RNGTT: variants seen among roughly 807,000 people sequenced by gnomAD.
The protein encoded by RNGTT is RNA guanylyltransferase and 5'-phosphatase.
RNGTT carries 33 observed loss-of-function variants against 79.3 expected under a neutral mutation model. That is an observed-to-expected ratio of 0.42 (90% CI 0.32 to 0.56). RNGTT has a LOEUF of 0.56. Ranked by LOEUF, RNGTT falls within the 20% of genes least tolerant of loss-of-function variation. The pLI is 0.17. For missense variants in RNGTT, 497 were observed against 739.1 expected (o/e 0.67, Z 3.80); for synonymous variants, 222 against 235.9 (o/e 0.94, Z 0.54).
chr6:88,757,235 T>C (rs1179717430), intron 13 of RNGTT, among the ~76,000 whole-genome samples: 1 of 152,072 alleles, frequency 6.6e-6, no homozygotes, highest in Non-Finnish European at 1.5e-5. Flanking sequence ...TGGAGATACA[T>C]GAATGGGAGA....
chr6:88,845,744 G>C (rs1781463036), intron 10 of RNGTT, among the ~76,000 whole-genome samples: 1 of 152,132 alleles, frequency 6.6e-6, no homozygotes, highest in African/African-American at 2.4e-5. Context: ...AAAGAATAAG[G>C]AGAGAGACAA....
chr6:88,733,456 T>G (rs982154011), intron 13 of RNGTT, among the ~76,000 whole-genome samples: 6 of 151,572 alleles, frequency 4.0e-5, no homozygotes, highest in Middle Eastern at 3.2e-3. Context: ...TGGGATGATT[T>G]TAAAAGGTTT....
chr6:88,956,375 A>G (rs1291188879), intron 1 of RNGTT, among the ~76,000 whole-genome samples: 1 of 152,022 alleles, frequency 6.6e-6, no homozygotes, highest in Non-Finnish European at 1.5e-5. Context: ...CCAAGAAAAA[A>G]GTCCAAGAAA....
intron 11 of RNGTT, among the ~76,000 whole-genome samples, chr6:88,811,940 T>A (rs1780152891): frequency 6.6e-6 from 1 of 152,136 alleles, no homozygotes; most frequent in South Asian, 2.1e-4. Flanking sequence ...AATGGAAATT[T>A]GCACTCCCCT....
At chr6:88,633,545 C>T (rs1184537061) in intron 14 of RNGTT, among the ~76,000 whole-genome samples, 7 of 152,106 alleles carry the variant, frequency 4.6e-5, no homozygotes, top group Admixed American at 2.6e-4. Context: ...ATGTTGAATG[C>T]GCTTTATCTC....
intron 13 of RNGTT, among the ~76,000 whole-genome samples, chr6:88,745,304 G>T (rs1777625080): frequency 6.6e-6 from 1 of 152,138 alleles, no homozygotes; most frequent in East Asian, 1.9e-4. Flanking sequence ...CTTGCAAAAA[G>T]TGCGTAACCT....
chr6:88,776,260 G>A (rs1052839996), intron 12 of RNGTT, among the ~76,000 whole-genome samples: 2 of 150,586 alleles, frequency 1.3e-5, no homozygotes, highest in African/African-American at 2.4e-5. Flanking sequence ...TCTCAATGAC[G>A]TTTTAATTTT....
chr6:88,725,271 C>A (rs948265583), intron 13 of RNGTT, among the ~76,000 whole-genome samples: 4 of 152,112 alleles, frequency 2.6e-5, no homozygotes, highest in African/African-American at 7.2e-5. Context: ...CCCTCAGCAA[C>A]GTGGAAAGAA....
chr6:88,924,109 G>T (rs971095846), intron 4 of RNGTT, among the ~76,000 whole-genome samples: 2 of 152,208 alleles, frequency 1.3e-5, no homozygotes, highest in African/African-American at 4.8e-5. Context: ...GCATGAGGAG[G>T]TGACAAGAAC....
chr6:88,950,179 A>G (rs997153696), intron 1 of RNGTT, among the ~76,000 whole-genome samples: 1 of 152,196 alleles, frequency 6.6e-6, no homozygotes, highest in African/African-American at 2.4e-5. Flanking sequence ...CCCACTGTTG[A>G]GACTTACTGC....
At chr6:88,868,530 C>T (rs1377704281) in intron 8 of RNGTT, among the ~76,000 whole-genome samples, 1 of 152,150 alleles carries the variant, frequency 6.6e-6, no homozygotes, top group Non-Finnish European at 1.5e-5. Context: ...CTTCACATTG[C>T]TCCCCTCACC....
chr6:88,848,799 T>C (rs978091292), intron 10 of RNGTT, among the ~76,000 whole-genome samples: 2 of 152,036 alleles, frequency 1.3e-5, no homozygotes, highest in African/African-American at 4.8e-5. Context: ...AAACTTCTAT[T>C]GGATTCGTAA....
At chr6:88,767,550 G>A (rs1778501728) in intron 13 of RNGTT, among the ~76,000 whole-genome samples, 1 of 151,804 alleles carries the variant, frequency 6.6e-6, no homozygotes, top group East Asian at 1.9e-4. Flanking sequence ...CAATCCGAGA[G>A]TCTATACTCT....
chr6:88,688,561 T>C (rs903954127), intron 13 of RNGTT, among the ~76,000 whole-genome samples: 1 of 152,122 alleles, frequency 6.6e-6, no homozygotes, highest in African/African-American at 2.4e-5. Context: ...AAATAGAAGA[T>C]TCTGTAACAT....
At chr6:88,864,996 A>G (rs1468143687) in intron 8 of RNGTT, among the ~76,000 whole-genome samples, 1 of 152,110 alleles carries the variant, frequency 6.6e-6, no homozygotes, top group Non-Finnish European at 1.5e-5. Flanking sequence ...AAGAGTTCTG[A>G]AGATAGATGT....
chr6:88,942,090 G>A (rs1784868080), intron 1 of RNGTT, among the ~76,000 whole-genome samples: 2 of 150,976 alleles, frequency 1.3e-5, no homozygotes, highest in African/African-American at 4.9e-5. Context: ...CTCCCAAAGT[G>A]CTGGGATTAT....
intron 12 of RNGTT, among the ~76,000 whole-genome samples, chr6:88,776,889 G>C (rs1582448552): frequency 6.6e-6 from 1 of 151,964 alleles, no homozygotes; most frequent in East Asian, 1.9e-4. Flanking sequence ...GCTGTTGTTG[G>C]CTGAGCTTTT....
intron 14 of RNGTT, among the ~76,000 whole-genome samples, chr6:88,642,057 G>A (rs565144115): frequency 6.6e-6 from 1 of 151,998 alleles, no homozygotes; most frequent in African/African-American, 2.4e-5. Flanking sequence ...GAGAAAATAG[G>A]AATGTAATGT....
rs149123073 is a variant in RNGTT at position 88,725,360 on chromosome 6, A to G, written c.1439+44414T>C. 2.1e-3 allele frequency among the ~76,000 whole-genome samples: 313 copies of G among 152,362 alleles called. 2 individuals carry two copies. The highest frequency in any genetic ancestry group is 7.4e-3 in the African/African-American group (306 of 41,586). ...TGTACAGACCAAGGAAGGATGTTGC[A>G]GATGGTGAAGTATTTCCTTGGTGGT... On this transcript the variant is annotated intron_variant, in intron 13 of 15. Transcript: ENST00000369485.
Sources: gnomAD v4.1 joint callset for allele counts (sites outside exome capture counted in the v4.1 genomes callset) on GRCh38, gnomAD v4.1.1 for gene constraint, MANE v1.5 for transcripts, NCBI Gene and HGNC (gene_info 2026-07-23, HGNC 2026-07-21) for gene names.